Variants in PARD3 observed in about 807,000 individuals in gnomAD.
PARD3 encodes the protein partitioning defective 3 homolog.
Under a neutral mutation model 155.4 loss-of-function variants are expected in PARD3, and 75 were observed. The ratio of observed to expected loss-of-function variants is 0.48; its 90% confidence interval spans 0.40 to 0.58. The LOEUF (loss-of-function observed/expected upper bound fraction) is 0.58. Ranked by LOEUF, PARD3 falls within the 20% of genes least tolerant of loss-of-function variation. The pLI, the probability that PARD3 is intolerant of heterozygous loss-of-function variation, is 0.00. For synonymous variants in PARD3, 576 were observed against 610.5 expected (o/e 0.94, Z 0.83); for missense variants, 1,642 against 1,721.7 (o/e 0.95, Z 0.82).
At chr10:34,716,718 G>A (rs540215174) in intron 1 of PARD3, among the ~76,000 whole-genome samples, 12 of 148,916 alleles carry the variant, frequency 8.1e-5, no homozygotes, top group African/African-American at 2.7e-4. Flanking sequence ...TCAGCCTCCC[G>A]AGTAGCTGGG....
intron 22 of PARD3, among the ~76,000 whole-genome samples, chr10:34,139,504 GA>G (rs201834386): frequency 1.3e-5 from 2 of 151,996 alleles, no homozygotes; most frequent in Admixed American, 1.3e-4. Context: ...TGTATCCTGG[GA>G]AAAAAATAAT....
At chr10:34,555,603 A>G (rs933633831) in intron 2 of PARD3, among the ~76,000 whole-genome samples, 2 of 152,210 alleles carry the variant, frequency 1.3e-5, no homozygotes, top group African/African-American at 4.8e-5. Context: ...CATGGGCTGT[A>G]TGCTTATCTT....
intron 2 of PARD3, among the ~76,000 whole-genome samples, chr10:34,645,663 A>G (rs1002387195): frequency 1.3e-5 from 2 of 152,234 alleles, no homozygotes; most frequent in African/African-American, 4.8e-5. Flanking sequence ...ATAAACCAAG[A>G]TACGCAGAAT....
rs112620040 is a variant in PARD3, at chr10:34,123,528, A to G, written c.3541-3788T>C. On this transcript the variant is annotated intron_variant, in intron 23 of 24. Transcript: ENST00000374788. ...ACAATTACAGCTCACTGCAGCCTCA[A>G]ACTCCTGGGCTCAAGCTGTCCTCAG... is the stretch of plus-strand genomic sequence containing the variant. 5.3e-3 allele frequency among the ~76,000 whole-genome samples: 802 copies of G among 152,176 alleles called. 7 individuals carry two copies. The highest frequency in any genetic ancestry group is 0.018 in the African/African-American group (756 of 41,510).
intron 5 of PARD3, among the ~76,000 whole-genome samples, chr10:34,403,213 A>G (rs968925279): frequency 6.6e-6 from 1 of 152,246 alleles, no homozygotes; most frequent in Non-Finnish European, 1.5e-5. Context: ...TTATGTATAC[A>G]TATAATTTGT....
chr10:34,132,458 A>T (rs1947664971), intron 22 of PARD3, among the ~76,000 whole-genome samples: 1 of 152,190 alleles, frequency 6.6e-6, no homozygotes, highest in South Asian at 2.1e-4. Context: ...CTCCCAGTCC[A>T]ACCCTCATTT....
intron 2 of PARD3, among the ~76,000 whole-genome samples, chr10:34,527,433 C>T (rs535116152): frequency 2.0e-5 from 3 of 152,068 alleles, no homozygotes; most frequent in Non-Finnish European, 4.4e-5. Flanking sequence ...AACTGAGGGC[C>T]GTTTAACTAC....
At chr10:34,228,645 T>C (rs1410813243) in intron 22 of PARD3, among the ~76,000 whole-genome samples, 2 of 152,054 alleles carry the variant, frequency 1.3e-5, no homozygotes, top group African/African-American at 4.8e-5. Flanking sequence ...TTATATGATA[T>C]GAACATTATA....
At chr10:34,574,516 C>A (rs1168072850) in intron 2 of PARD3, among the ~76,000 whole-genome samples, 1 of 152,180 alleles carries the variant, frequency 6.6e-6, no homozygotes, top group Non-Finnish European at 1.5e-5. Flanking sequence ...TATGCAAAAT[C>A]CAAAGTTACA....
chr10:34,278,522 T>C (rs1375447088), intron 21 of PARD3, among the ~76,000 whole-genome samples: 2 of 152,154 alleles, frequency 1.3e-5, no homozygotes, highest in Non-Finnish European at 2.9e-5. Context: ...CAGGTGGAGA[T>C]AATTGAATCA....
chr10:34,163,909 A>G (rs1949400535), intron 22 of PARD3, among the ~76,000 whole-genome samples: 2 of 152,270 alleles, frequency 1.3e-5, no homozygotes, highest in South Asian at 4.1e-4. Context: ...AATGGCTACA[A>G]GAGCAATAAA....
At chr10:34,227,388 C>T (rs1226982502) in intron 22 of PARD3, among the ~76,000 whole-genome samples, 1 of 152,226 alleles carries the variant, frequency 6.6e-6, no homozygotes, top group Non-Finnish European at 1.5e-5. Context: ...GTAATCCCAG[C>T]ACTTTGGGAG....
intron 1 of PARD3, among the ~76,000 whole-genome samples, chr10:34,814,058 C>A (rs888395149): frequency 6.6e-6 from 1 of 152,206 alleles, no homozygotes; most frequent in African/African-American, 2.4e-5. Flanking sequence ...AAGTCAGGCC[C>A]GGCCCCGCAG....
intron 4 of PARD3, 150 bp from the exon 5 acceptor site, chr10:34,450,598 C>T (rs533861741): frequency 8.7e-5 from 64 of 736,418 alleles, no homozygotes; most frequent in South Asian, 1.2e-4. Context: ...TGAGGACATT[C>T]CACCCAGATT....
intron 1 of PARD3, among the ~76,000 whole-genome samples, chr10:34,760,945 T>C (rs1290838562): frequency 6.6e-6 from 1 of 152,184 alleles, no homozygotes. Context: ...CACTAAGTTT[T>C]GGGATAATGT....
chr10:34,677,454 T>C lies in PARD3; in HGVS notation c.222+18864A>G, dbSNP rs915676403. Among the ~76,000 whole-genome samples, 92 of 149,808 alleles carry C rather than the reference T, an allele frequency of 6.1e-4. 1 individual carries two copies. The highest frequency in any genetic ancestry group is 9.8e-4 in the East Asian group (5 of 5,098). On this transcript the variant is annotated intron_variant, in intron 2 of 24. Coordinates refer to ENST00000374788, the MANE Select transcript of PARD3 (RefSeq NM_001184785.2). ...GTGATCATGCCACTGCACTCCAGCC[T>C]GGGCAACAGATCTAGACTCTGTCTC...
chr10:34,516,581 A>G (rs2081780274), intron 3 of PARD3, among the ~76,000 whole-genome samples: 1 of 152,220 alleles, frequency 6.6e-6, no homozygotes, highest in Non-Finnish European at 1.5e-5. Context: ...CTCTTCAGAT[A>G]AAGTTCAAAT....
intron 3 of PARD3, among the ~76,000 whole-genome samples, chr10:34,506,064 C>T (rs1168005948): frequency 9.2e-5 from 14 of 151,596 alleles, no homozygotes; most frequent in Admixed American, 6.6e-5. Context: ...AGGTGGAAGT[C>T]GCGGTGAGCC....
At chr10:34,695,336 G>A (rs369751471) in intron 2 of PARD3, among the ~76,000 whole-genome samples, 3 of 152,026 alleles carry the variant, frequency 2.0e-5, no homozygotes, top group Non-Finnish European at 2.9e-5. Flanking sequence ...TTAGCCAGGC[G>A]TGGTGGTGCA....
Sources: allele counts gnomAD v4.1 joint callset (sites outside exome capture counted in the v4.1 genomes callset), GRCh38; gene constraint gnomAD v4.1.1; transcripts MANE v1.5; gene names NCBI Gene and HGNC (gene_info 2026-07-23, HGNC 2026-07-21).